CAMK1D: variants seen among roughly 807,000 people sequenced by gnomAD.
The protein encoded by CAMK1D is calcium/calmodulin dependent protein kinase ID, also known as calcium/calmodulin-dependent protein kinase type 1D.
In CAMK1D, 9 loss-of-function variants were observed where a neutral mutation model predicts 47.7. The ratio of observed to expected loss-of-function variants is 0.19; its 90% CI spans 0.11 to 0.33. CAMK1D has a LOEUF of 0.33. CAMK1D is among the 10% of genes least tolerant of loss of function. The pLI, the probability that CAMK1D is intolerant of heterozygous loss-of-function variation, is 1.00. For synonymous variants in CAMK1D, 184 were observed against 184.9 expected, an observed-to-expected ratio of 0.99 and a Z score of 0.04; for missense variants, 291 against 488.7, an observed-to-expected ratio of 0.60 and a Z score of 3.81.
intron 2 of CAMK1D, among the ~76,000 whole-genome samples, chr10:12,601,863 C>G (rs2087372549): frequency 6.6e-6 from 1 of 152,230 alleles, no homozygotes; most frequent in African/African-American, 2.4e-5. Context: ...TAGCTCGTTT[C>G]AGCTCAGCTG....
intron 2 of CAMK1D, among the ~76,000 whole-genome samples, chr10:12,637,380 A>C (rs971087763): frequency 6.6e-6 from 1 of 152,094 alleles, no homozygotes; most frequent in African/African-American, 2.4e-5. Flanking sequence ...TTTGTTCTCA[A>C]CTCTCACAGA....
intron 1 of CAMK1D, among the ~76,000 whole-genome samples, chr10:12,420,872 C>G (rs953929194): frequency 1.3e-5 from 2 of 152,178 alleles, no homozygotes; most frequent in African/African-American, 2.4e-5. Context: ...GGCTCCAGTA[C>G]TCAGACAAGG....
chr10:12,799,273 A>G (rs1035584249), intron 6 of CAMK1D, among the ~76,000 whole-genome samples: 3 of 146,534 alleles, frequency 2.0e-5, no homozygotes, highest in Non-Finnish European at 4.6e-5. Context: ...CATTGTTGGG[A>G]GTCAGCAAAG....
intron 2 of CAMK1D, among the ~76,000 whole-genome samples, chr10:12,639,088 A>G (rs1251675538): frequency 6.6e-6 from 1 of 152,226 alleles, no homozygotes; most frequent in Non-Finnish European, 1.5e-5. Context: ...TTGAATGTGT[A>G]TGTGAATTCA....
intron 4 of CAMK1D, among the ~76,000 whole-genome samples, chr10:12,769,127 C>G (rs1836917271): frequency 6.6e-6 from 1 of 152,184 alleles, no homozygotes; most frequent in Non-Finnish European, 1.5e-5. Flanking sequence ...ATTCCAGATT[C>G]ATTTATTCCG....
At chr10:12,349,951 G>A in intron 1 of CAMK1D, 41 bp downstream of exon 1, 1 of 1,269,834 alleles carries the variant, frequency 7.9e-7, no homozygotes, top group Non-Finnish European at 1.1e-6. Flanking sequence ...GGTGGCCGCG[G>A]CAGGGGCTGC....
chr10:12,441,485 C>T (rs3013022), intron 1 of CAMK1D, among the ~76,000 whole-genome samples: 53,004 of 150,954 alleles, frequency 0.35, 9,940 homozygotes, highest in South Asian at 0.44. Flanking sequence ...GTATGAGCCA[C>T]TGTGCTTGGC....
At chr10:12,567,002 G>A (rs1382813924) in intron 2 of CAMK1D, among the ~76,000 whole-genome samples, 1 of 152,156 alleles carries the variant, frequency 6.6e-6, no homozygotes, top group African/African-American at 2.4e-5. Context: ...GAGCTCAGAG[G>A]CCCGTCGCCG....
chr10:12,694,842 C>T (rs1048483750), intron 3 of CAMK1D, among the ~76,000 whole-genome samples: 8 of 151,528 alleles, frequency 5.3e-5, no homozygotes, highest in South Asian at 2.1e-4. Flanking sequence ...GAAAACACAG[C>T]GGGCAAATAT....
Position 12,689,983 on chromosome 10 carries a change from C to G in CAMK1D, c.299+23173C>G, listed in dbSNP as rs535135401. Among the ~76,000 whole-genome samples the G allele has an allele frequency of 6.6e-5, 10 of 152,252 alleles. No individual in the cohort carries two copies. In the East Asian group the frequency reaches 1.9e-3, roughly 29 times the overall value. On this transcript the variant is annotated intron_variant, in intron 3 of 10. Transcript: ENST00000619168. The stretch of plus-strand genomic sequence containing the variant: ...TTAACATACGGAGGGCTGTCATGTA[C>G]AGAGATTGTCGGTGCTGGCAAATAT...
chr10:12,488,518 G>C (rs563932740), intron 1 of CAMK1D, among the ~76,000 whole-genome samples: 3 of 152,254 alleles, frequency 2.0e-5, no homozygotes, highest in Admixed American at 6.5e-5. Flanking sequence ...TGTTTCCGTG[G>C]ACTGGGATGG....
intron 3 of CAMK1D, among the ~76,000 whole-genome samples, chr10:12,701,188 C>G (rs1278197798): frequency 2.6e-5 from 4 of 151,658 alleles, no homozygotes; most frequent in African/African-American, 9.7e-5. Flanking sequence ...TCTCAGCTCA[C>G]TGCAACCTCC....
At chr10:12,529,306 A>T (rs1835729334) in intron 1 of CAMK1D, among the ~76,000 whole-genome samples, 1 of 152,178 alleles carries the variant, frequency 6.6e-6, no homozygotes, top group Admixed American at 6.5e-5. Flanking sequence ...CCACCTGCCC[A>T]ACCAGGTTGG....
chr10:12,669,084 T>C (rs1231303382), intron 3 of CAMK1D, among the ~76,000 whole-genome samples: 1 of 151,958 alleles, frequency 6.6e-6, no homozygotes, highest in Non-Finnish European at 1.5e-5. Flanking sequence ...ATGTAAAAAT[T>C]AGCTGGGCAT....
intron 4 of CAMK1D, among the ~76,000 whole-genome samples, chr10:12,761,756 C>T (rs775088721): frequency 9.2e-5 from 14 of 152,082 alleles, no homozygotes; most frequent in Non-Finnish European, 1.6e-4. Flanking sequence ...TGTGGTGGCG[C>T]GTGCCTGTAG....
intron 1 of CAMK1D, among the ~76,000 whole-genome samples, chr10:12,453,243 G>A (rs1284117966): frequency 6.7e-6 from 1 of 149,646 alleles, no homozygotes; most frequent in Non-Finnish European, 1.5e-5. Context: ...AGGCTGGAGT[G>A]CAGTGGTGCA....
At chr10:12,681,035 C>A (rs1355170144) in intron 3 of CAMK1D, among the ~76,000 whole-genome samples, 1 of 152,096 alleles carries the variant, frequency 6.6e-6, no homozygotes, top group African/African-American at 2.4e-5. Context: ...ATTTCAGCTC[C>A]TTCCCCAGCT....
chr10:12,678,564 T>C (rs1022612000), intron 3 of CAMK1D, among the ~76,000 whole-genome samples: 1 of 152,180 alleles, frequency 6.6e-6, no homozygotes, highest in Non-Finnish European at 1.5e-5. Context: ...GGTTGTTCCA[T>C]CCATTATTGA....
chr10:12,525,489 C>T (rs563968996), intron 1 of CAMK1D, among the ~76,000 whole-genome samples: 9 of 151,886 alleles, frequency 5.9e-5, no homozygotes, highest in East Asian at 5.8e-4. Flanking sequence ...TTGTCATCTA[C>T]GTTTTGTTAT....
Sources: gnomAD v4.1 joint callset for allele counts (sites outside exome capture counted in the v4.1 genomes callset) on GRCh38, gnomAD v4.1.1 for gene constraint, MANE v1.5 for transcripts, NCBI Gene and HGNC (gene_info 2026-07-23, HGNC 2026-07-21) for gene names.